The following ROBO2 variants were observed in gnomAD, a reference collection of about 807,000 sequenced individuals.
The protein encoded by ROBO2 is roundabout guidance receptor 2, also known as roundabout homolog 2.
In ROBO2, 53 loss-of-function variants were observed where a neutral mutation model predicts 160.8. The observed-to-expected ratio is 0.33, with a 90% CI of 0.26 to 0.41. The LOEUF is 0.41. Among genes scored for constraint, ROBO2 ranks in the 10% least tolerant of loss-of-function variants. The pLI, the probability that ROBO2 is intolerant of heterozygous loss-of-function variation, is 1.00. For synonymous variants in ROBO2, 664 were observed against 611.7 expected (o/e 1.09, Z -1.26); for missense variants, 1,577 against 1,722.4 (o/e 0.92, Z 1.49).
chr3:75,935,977 G>C (rs541744335), intron 1 of ROBO2, among the ~76,000 whole-genome samples: 2 of 152,272 alleles, frequency 1.3e-5, no homozygotes, highest in South Asian at 4.1e-4. Context: ...TTTGTTCATA[G>C]GATTTCTGTG....
chr3:77,515,815 C>A (rs944204165), intron 5 of ROBO2, among the ~76,000 whole-genome samples: 11 of 151,568 alleles, frequency 7.3e-5, no homozygotes, highest in Admixed American at 2.6e-4. Context: ...ACCTTTGCTA[C>A]CGATGAATTC....
At chr3:77,222,027 G>A (rs547409351) in intron 2 of ROBO2, among the ~76,000 whole-genome samples, 58 of 151,506 alleles carry the variant, frequency 3.8e-4, no homozygotes, top group African/African-American at 1.3e-3. Flanking sequence ...TAATTTTTGC[G>A]TTTTTAGTAG....
intron 23 of ROBO2, among the ~76,000 whole-genome samples, chr3:77,625,386 CTT>C (rs200584185): frequency 3.4e-5 from 5 of 145,008 alleles, no homozygotes; most frequent in African/African-American, 2.5e-5. Context: ...TTTCTTTCTT[CTT>C]TTTTTTTTTT....
chr3:77,534,244 A>T lies in ROBO2; in HGVS notation c.934+11342A>T, dbSNP rs188291943. Among the ~76,000 whole-genome samples, 4 of 152,268 alleles carry T rather than the reference A, an allele frequency of 2.6e-5. No individual in the cohort carries two copies. The East Asian group carries it at 7.7e-4, about 29-fold the overall frequency. ...AGGAAAGTGAAGCCTTTACTCAATT[A>T]TCTTAACCTAAACAGCAAAAAGTTT... On this transcript the variant is annotated intron_variant, in intron 6 of 25. Transcript: ENST00000461745.
In ROBO2 at chr3:76,941,652, G is replaced by A. The variant is rs114649443; in HGVS notation, c.110-156362G>A. Among the ~76,000 whole-genome samples, 714 of 152,270 alleles carry A rather than the reference G, an allele frequency of 4.7e-3. 3 individuals carry two copies. The highest frequency in any genetic ancestry group is 0.016 in the African/African-American group (663 of 41,550). ...ACTTTTGAATTGTGTTACAGTCTGTGTAGTAGATACAATAATGCCTTATAC... is the reference window on the plus strand; with the variant it reads ...ACTTTTGAATTGTGTTACAGTCTGTATAGTAGATACAATAATGCCTTATAC... On this transcript the variant is annotated intron_variant, in intron 2 of 26. Coordinates refer to the ROBO2 transcript ENST00000487694.
At chr3:77,512,003 A>G (rs887059663) in intron 5 of ROBO2, among the ~76,000 whole-genome samples, 7 of 151,880 alleles carry the variant, frequency 4.6e-5, no homozygotes, top group Non-Finnish European at 1.0e-4. Flanking sequence ...GCAAATATTC[A>G]CCTCACCCAA....
intron 2 of ROBO2, among the ~76,000 whole-genome samples, chr3:77,252,483 A>G (rs2090448820): frequency 6.6e-6 from 1 of 152,130 alleles, no homozygotes; most frequent in Non-Finnish European, 1.5e-5. Flanking sequence ...CACTTGATGC[A>G]TTTGAAAGAG....
chr3:77,106,668 A>G (rs1405409270), intron 2 of ROBO2, among the ~76,000 whole-genome samples: 2 of 152,202 alleles, frequency 1.3e-5, no homozygotes, highest in Admixed American at 6.5e-5. Flanking sequence ...TGTTTCTAAC[A>G]GTCTATGATT....
rs1446832637 is a variant in ROBO2, at chr3:77,320,564, A to G, written c.389-156850A>G. Among the ~76,000 whole-genome samples the G allele has an allele frequency of 2.0e-5, 3 of 152,174 alleles. No individual in the cohort carries two copies. In the East Asian group the frequency reaches 5.8e-4, roughly 29 times the overall value. On this transcript the variant is annotated intron_variant, in intron 2 of 25. Coordinates refer to ENST00000461745, the Ensembl canonical transcript of ROBO2. The stretch of plus-strand genomic sequence containing the variant: ...GTTTCTCTTTCTAGCTCTTAAAAAA[A>G]AAAAGAAGGGCTCTTATTTAATTAA...
chr3:76,873,586 G>A (rs779937090), intron 2 of ROBO2, among the ~76,000 whole-genome samples: 3 of 151,974 alleles, frequency 2.0e-5, no homozygotes, highest in Admixed American at 6.6e-5. Context: ...CGTCGTCGTC[G>A]TCGTTGTCGT....
At chr3:77,401,417 A>AG (rs2075788027) in intron 2 of ROBO2, among the ~76,000 whole-genome samples, 1 of 152,146 alleles carries the variant, frequency 6.6e-6, no homozygotes, top group African/African-American at 2.4e-5. Context: ...TTTTTATGTG[A>AG]ATTTTCATAT....
intron 2 of ROBO2, among the ~76,000 whole-genome samples, chr3:76,079,900 A>C (rs2068766110): frequency 6.6e-6 from 1 of 152,194 alleles, no homozygotes; most frequent in Non-Finnish European, 1.5e-5. Context: ...GGCCTTACTA[A>C]AAATCTTGTA....
chr3:76,783,427 T>C (rs1289363841), intron 2 of ROBO2, among the ~76,000 whole-genome samples: 3 of 150,828 alleles, frequency 2.0e-5, no homozygotes, highest in African/African-American at 7.3e-5. Flanking sequence ...AATCTCAGTG[T>C]TTGTTTGTCT....
chr3:76,809,767 A>C (rs1461584729), intron 2 of ROBO2, among the ~76,000 whole-genome samples: 1 of 152,118 alleles, frequency 6.6e-6, no homozygotes, highest in Non-Finnish European at 1.5e-5. Context: ...TTCTTTTTAA[A>C]TTACCTTATA....
At chr3:76,924,573 A>G (rs1559711391) in intron 2 of ROBO2, among the ~76,000 whole-genome samples, 1 of 152,170 alleles carries the variant, frequency 6.6e-6, no homozygotes, top group Non-Finnish European at 1.5e-5. Flanking sequence ...AGACTAAGAC[A>G]TGCTCCTATA....
chr3:76,675,440 A>C (rs2092382974), intron 2 of ROBO2, among the ~76,000 whole-genome samples: 1 of 152,104 alleles, frequency 6.6e-6, no homozygotes, highest in South Asian at 2.1e-4. Flanking sequence ...GGAAAAAGAA[A>C]CGAAAACACA....
At chr3:76,751,710 A>G (rs1264686186) in intron 2 of ROBO2, among the ~76,000 whole-genome samples, 1 of 152,336 alleles carries the variant, frequency 6.6e-6, no homozygotes, top group Non-Finnish European at 1.5e-5. Flanking sequence ...ATCACTGGCC[A>G]TCAGAGAAAT....
chr3:77,359,784 T>A (rs929509351), intron 2 of ROBO2, among the ~76,000 whole-genome samples: 1 of 152,142 alleles, frequency 6.6e-6, no homozygotes, highest in Non-Finnish European at 1.5e-5. Flanking sequence ...GCTCAAGTGA[T>A]CCTCTCACCT....
intron 2 of ROBO2, among the ~76,000 whole-genome samples, chr3:77,276,595 T>G (rs2059843264): frequency 6.6e-6 from 1 of 152,134 alleles, no homozygotes; most frequent in Non-Finnish European, 1.5e-5. Context: ...ATTACATTAT[T>G]CAAAGGCATA....
Sources: allele counts gnomAD v4.1 joint callset (sites outside exome capture counted in the v4.1 genomes callset), GRCh38; gene constraint gnomAD v4.1.1; transcripts MANE v1.5; gene names NCBI Gene and HGNC (gene_info 2026-07-23, HGNC 2026-07-21).